Variants in SLC35F1 observed in about 807,000 individuals in gnomAD.
SLC35F1 encodes chromosome 6 open reading frame 169.
In SLC35F1, 14 loss-of-function variants were observed where a neutral mutation model predicts 48.7. That is an observed-to-expected ratio of 0.29 (90% CI 0.19 to 0.45). The LOEUF is 0.45. SLC35F1 is among the 20% of genes least tolerant of loss of function. The pLI, the probability that SLC35F1 is intolerant of heterozygous loss-of-function variation, is 1.00. For synonymous variants in SLC35F1, 190 were observed against 202.2 expected, an observed-to-expected ratio of 0.94 and a Z score of 0.51; for missense variants, 404 against 500.0, an observed-to-expected ratio of 0.81 and a Z score of 1.83.
At position 118,283,275 on chromosome 6, in the gene SLC35F1, C is replaced by T. The variant is rs961351759; in HGVS notation, c.848-1909C>T. On this transcript the variant is annotated intron_variant, in intron 6 of 7. Coordinates refer to ENST00000360388, the MANE Select transcript of SLC35F1 (RefSeq NM_001029858.4). ...TCAGCACTCGAGGTAAATGCCACCTCCACAAAGTAGCCCTACCTCACCACC... is the reference window on the plus strand; with the variant it reads ...TCAGCACTCGAGGTAAATGCCACCTTCACAAAGTAGCCCTACCTCACCACC... Among the ~76,000 whole-genome samples the T allele has an allele frequency of 1.1e-4, 16 of 152,176 alleles. 1 individual carries two copies. Among genetic ancestry groups the T allele is most frequent in the Admixed American group, 1.0e-3 (16 of 15,274 alleles).
At chr6:118,077,809 CA>C (rs1156693525) in intron 1 of SLC35F1, among the ~76,000 whole-genome samples, 4 of 152,122 alleles carry the variant, frequency 2.6e-5, no homozygotes, top group Non-Finnish European at 5.9e-5. Flanking sequence ...AAAGAATTCC[CA>C]AAAAACTCTG....
At chr6:117,998,763 C>T (rs1355762922) in intron 1 of SLC35F1, among the ~76,000 whole-genome samples, 1 of 152,212 alleles carries the variant, frequency 6.6e-6, no homozygotes, top group African/African-American at 2.4e-5. Context: ...ATCTCTGGGA[C>T]ACATTCAAAG....
At chr6:118,121,656 A>G (rs1173900207) in intron 1 of SLC35F1, among the ~76,000 whole-genome samples, 1 of 152,156 alleles carries the variant, frequency 6.6e-6, no homozygotes. Flanking sequence ...TCCCTTAGAA[A>G]TGCATTCTGG....
intron 2 of SLC35F1, among the ~76,000 whole-genome samples, chr6:118,173,389 A>AC (rs1774436815): frequency 7.7e-6 from 1 of 130,216 alleles, no homozygotes; most frequent in South Asian, 2.2e-4. Flanking sequence ...GTTAGTTAAA[A>AC]AAAAAACAAA....
intron 1 of SLC35F1, among the ~76,000 whole-genome samples, chr6:117,910,965 A>G (rs1477927315): frequency 6.6e-6 from 1 of 152,228 alleles, no homozygotes; most frequent in East Asian, 1.9e-4. Flanking sequence ...AATGAAATAT[A>G]GTGTTATCTT....
At chr6:118,175,118 T>TGA (rs1774468531) in intron 2 of SLC35F1, among the ~76,000 whole-genome samples, 1 of 152,174 alleles carries the variant, frequency 6.6e-6, no homozygotes, top group South Asian at 2.1e-4. Flanking sequence ...CTTTAAATGT[T>TGA]TAATTTTTAC....
At chr6:118,200,031 G>A (rs1369897598) in intron 2 of SLC35F1, among the ~76,000 whole-genome samples, 1 of 152,084 alleles carries the variant, frequency 6.6e-6, no homozygotes, top group Non-Finnish European at 1.5e-5. Flanking sequence ...GGCTTGGGAA[G>A]GTGGAGAGTT....
chr6:118,185,448 T>G (rs1774642298), intron 2 of SLC35F1, among the ~76,000 whole-genome samples: 1 of 151,660 alleles, frequency 6.6e-6, no homozygotes, highest in Admixed American at 6.6e-5. Flanking sequence ...TAGAGAAAAA[T>G]AAGGGAAGGG....
chr6:118,067,256 A>G (rs1772629331), intron 1 of SLC35F1, among the ~76,000 whole-genome samples: 1 of 152,088 alleles, frequency 6.6e-6, no homozygotes, highest in South Asian at 2.1e-4. Context: ...GTTGGGGAGG[A>G]TATATTAAAT....
At chr6:118,168,195 C>T (rs1254268666) in intron 2 of SLC35F1, among the ~76,000 whole-genome samples, 1 of 152,160 alleles carries the variant, frequency 6.6e-6, no homozygotes, top group African/African-American at 2.4e-5. Context: ...ACATCATCCA[C>T]TTCCTTTATT....
chr6:118,299,376 T>C (rs1401508326), intron 7 of SLC35F1, among the ~76,000 whole-genome samples: 3 of 152,200 alleles, frequency 2.0e-5, no homozygotes, highest in Non-Finnish European at 4.4e-5. Context: ...CCAGCTCCAC[T>C]TCCTACCAAT....
chr6:117,945,968 G>A (rs539830971), intron 1 of SLC35F1, among the ~76,000 whole-genome samples: 7 of 152,302 alleles, frequency 4.6e-5, no homozygotes, highest in Admixed American at 1.3e-4. Flanking sequence ...AGCATTTTCC[G>A]TAAGCTGCAG....
At chr6:117,934,067 A>G (rs1360198238) in intron 1 of SLC35F1, among the ~76,000 whole-genome samples, 1 of 152,120 alleles carries the variant, frequency 6.6e-6, no homozygotes, top group Non-Finnish European at 1.5e-5. Flanking sequence ...GAACTACAGA[A>G]AAAGAGCTGC....
rs58622117 is a variant in SLC35F1 at position 117,989,288 on chromosome 6, T to C, written c.173+81389T>C. Among the ~76,000 whole-genome samples, 975 of 152,340 alleles carry C rather than the reference T, an allele frequency of 6.4e-3. 12 individuals carry two copies. Among genetic ancestry groups the C allele is most frequent in the African/African-American group, 0.022 (921 of 41,584 alleles). On this transcript the variant is annotated intron_variant, in intron 1 of 7. Coordinates refer to ENST00000360388, the MANE Select transcript of SLC35F1 (RefSeq NM_001029858.4). ...TAGCTGAACACATTTTATTCCTTTC[T>C]CTGTCCCCTAATGGGAAACCATCTC...
intron 1 of SLC35F1, among the ~76,000 whole-genome samples, chr6:118,099,231 G>A (rs978867776): frequency 2.6e-5 from 4 of 152,182 alleles, no homozygotes; most frequent in Non-Finnish European, 5.9e-5. Flanking sequence ...TAGAGTAGTG[G>A]TTCTCAAACT....
intron 3 of SLC35F1, among the ~76,000 whole-genome samples, chr6:118,236,567 A>G (rs1775368377): frequency 6.6e-6 from 1 of 152,120 alleles, no homozygotes; most frequent in African/African-American, 2.4e-5. Context: ...GTGGGTGGGA[A>G]ACTATCTACA....
intron 1 of SLC35F1, among the ~76,000 whole-genome samples, chr6:118,136,651 T>C (rs1230785155): frequency 6.6e-6 from 1 of 152,222 alleles, no homozygotes; most frequent in Non-Finnish European, 1.5e-5. Flanking sequence ...TTTCTAGGCA[T>C]ATACTTTTAA....
chr6:118,115,926 A>G (rs1330050847), intron 1 of SLC35F1, among the ~76,000 whole-genome samples: 1 of 152,206 alleles, frequency 6.6e-6, no homozygotes. Context: ...TGAAAAGAAA[A>G]CATAAAACAT....
intron 1 of SLC35F1, among the ~76,000 whole-genome samples, chr6:118,123,683 C>T (rs570940501): frequency 3.7e-4 from 56 of 151,386 alleles, no homozygotes; most frequent in Non-Finnish European, 4.6e-4. Flanking sequence ...AATTGATACC[C>T]TGTAGCCCAC....
Sources: allele counts gnomAD v4.1 joint callset (sites outside exome capture counted in the v4.1 genomes callset), GRCh38; gene constraint gnomAD v4.1.1; transcripts MANE v1.5; gene names NCBI Gene and HGNC (gene_info 2026-07-23, HGNC 2026-07-21).